Variants in CMKLR2 observed in about 807,000 individuals in gnomAD.
CMKLR2 encodes the protein chemerin chemokine-like receptor 2.
CMKLR2 carries 18 observed loss-of-function variants against 23.0 expected under a neutral mutation model. The observed-to-expected ratio is 0.78, with a 90% CI of 0.54 to 1.16. CMKLR2 has a LOEUF of 1.16. CMKLR2 is among the 50% of genes most tolerant of loss of function. The pLI is 0.00. For missense variants in CMKLR2, 401 were observed against 412.7 expected, an observed-to-expected ratio of 0.97 and a Z score of 0.25; for synonymous variants, 158 against 158.9, an observed-to-expected ratio of 0.99 and a Z score of 0.05.
chr2:206,201,538 C>T (rs554833849), intron 1 of CMKLR2, among the ~76,000 whole-genome samples: 2 of 152,236 alleles, frequency 1.3e-5, no homozygotes, highest in African/African-American at 4.8e-5. Flanking sequence ...AAGGGCATCA[C>T]AATTAGTGCC....
chr2:206,201,004 T>C (rs983283440), intron 1 of CMKLR2, among the ~76,000 whole-genome samples: 5 of 152,066 alleles, frequency 3.3e-5, no homozygotes, highest in African/African-American at 1.2e-4. Context: ...CATGTTGGAG[T>C]GTAGGGGCAC....
At chr2:206,182,198 T>C (rs920690785) in intron 1 of CMKLR2, among the ~76,000 whole-genome samples, 1 of 152,122 alleles carries the variant, frequency 6.6e-6, no homozygotes, top group Non-Finnish European at 1.5e-5. Context: ...TGTACTATTA[T>C]TGGTCTCATT....
At chr2:206,180,326 TA>T (rs78880450) in intron 1 of CMKLR2, among the ~76,000 whole-genome samples, 533 of 141,870 alleles carry the variant, frequency 3.8e-3, no homozygotes, top group Admixed American at 3.5e-3. Context: ...AACTGTCTCT[TA>T]AAAAAAAAAA....
intron 1 of CMKLR2, among the ~76,000 whole-genome samples, chr2:206,187,630 G>T (rs1316328731): frequency 2.6e-5 from 4 of 152,114 alleles, no homozygotes; most frequent in Non-Finnish European, 2.9e-5. Context: ...GTATTTCTCT[G>T]TTTATTTTTG....
intron 1 of CMKLR2, 37 bp downstream of exon 1, chr2:206,213,270 G>T (rs952499993): frequency 3.9e-5 from 6 of 152,170 alleles, no homozygotes; most frequent in African/African-American, 1.4e-4. Context: ...CACTGTAAAT[G>T]TGTCAGTTTG....
chr2:206,211,399 A>ACCGCAG (rs2105844706), intron 1 of CMKLR2, among the ~76,000 whole-genome samples: 2 of 152,278 alleles, frequency 1.3e-5, no homozygotes, highest in South Asian at 4.1e-4. Context: ...ATCTTAGCTC[A>ACCGCAG]CCGCAGCCTC....
chr2:206,214,539 A>C (rs528489667), upstream of CMKLR2, among the ~76,000 whole-genome samples: 1 of 152,270 alleles, frequency 6.6e-6, no homozygotes, highest in Non-Finnish European at 1.5e-5. Context: ...AGGGATGAGA[A>C]GCATGGAGCT....
At chr2:206,202,885 C>T (rs985393417) in intron 1 of CMKLR2, among the ~76,000 whole-genome samples, 2 of 152,052 alleles carry the variant, frequency 1.3e-5, no homozygotes, top group African/African-American at 4.8e-5. Flanking sequence ...CACTCCAGCG[C>T]GTTTCCTTTC....
At chr2:206,214,010 C>T (rs1457673120), upstream of CMKLR2, among the ~76,000 whole-genome samples, 1 of 151,648 alleles carries the variant, frequency 6.6e-6, no homozygotes, top group Non-Finnish European at 1.5e-5. Flanking sequence ...CCTACCACCA[C>T]GCCCGGTTAA....
chr2:206,198,830 G>C (rs1689000078), intron 1 of CMKLR2, among the ~76,000 whole-genome samples: 1 of 152,150 alleles, frequency 6.6e-6, no homozygotes, highest in Non-Finnish European at 1.5e-5. Flanking sequence ...GAGTGAAGCA[G>C]ACTTATGTAA....
At chr2:206,213,684 G>A (rs1324431411), upstream of CMKLR2, 1 of 152,184 alleles carries the variant, frequency 6.6e-6, no homozygotes, top group Admixed American at 6.5e-5. Context: ...TCCTTTGTCT[G>A]GGTAGGCTTT....
chr2:206,193,041 T>C (rs914891032), intron 1 of CMKLR2, among the ~76,000 whole-genome samples: 4 of 152,164 alleles, frequency 2.6e-5, no homozygotes, highest in South Asian at 2.1e-4. Flanking sequence ...AATACAGCCA[T>C]TGATTTTTTT....
At chr2:206,197,203 C>T (rs1350079508) in intron 1 of CMKLR2, among the ~76,000 whole-genome samples, 4 of 152,194 alleles carry the variant, frequency 2.6e-5, no homozygotes, top group African/African-American at 7.2e-5. Flanking sequence ...CCACTGCGCC[C>T]GGCCCAAATG....
chr2:206,213,657 TG>T (rs948475458), upstream of CMKLR2: 3 of 152,146 alleles, frequency 2.0e-5, no homozygotes, highest in African/African-American at 7.2e-5. Flanking sequence ...CGGTAATGGA[TG>T]GGGGTCACCC....
At chr2:206,185,817 A>T (rs1441172269) in intron 1 of CMKLR2, among the ~76,000 whole-genome samples, 1 of 152,174 alleles carries the variant, frequency 6.6e-6, no homozygotes, top group Non-Finnish European at 1.5e-5. Flanking sequence ...TTCTTAATGA[A>T]GTCCAATATA....
At chr2:206,201,486 ACACAAC>A (rs1689094891) in intron 1 of CMKLR2, among the ~76,000 whole-genome samples, 1 of 152,170 alleles carries the variant, frequency 6.6e-6, no homozygotes, top group African/African-American at 2.4e-5. Context: ...GCGGGGTCCC[ACACAAC>A]CACTTTTCAT....
intron 1 of CMKLR2, among the ~76,000 whole-genome samples, chr2:206,206,821 C>T (rs1450785468): frequency 6.6e-6 from 1 of 151,170 alleles, no homozygotes; most frequent in African/African-American, 2.4e-5. Flanking sequence ...TTGGAAATAA[C>T]TATTTTGTCT....
upstream of CMKLR2, among the ~76,000 whole-genome samples, chr2:206,214,006 A>G (rs1689663017): frequency 6.6e-6 from 1 of 151,594 alleles, no homozygotes; most frequent in Non-Finnish European, 1.5e-5. Context: ...GGCACCTACC[A>G]CCACGCCCGG....
chr2:206,193,679 AGGGT>A (rs1688825645), intron 1 of CMKLR2, among the ~76,000 whole-genome samples: 1 of 152,232 alleles, frequency 6.6e-6, no homozygotes, highest in South Asian at 2.1e-4. Flanking sequence ...GCATCATAGC[AGGGT>A]ACCTACCAGA....
Sources: gnomAD v4.1 joint callset for allele counts (sites outside exome capture counted in the v4.1 genomes callset) on GRCh38, gnomAD v4.1.1 for gene constraint, MANE v1.5 for transcripts, NCBI Gene and HGNC (gene_info 2026-07-23, HGNC 2026-07-21) for gene names.